PTPRD: variants seen among roughly 807,000 people sequenced by gnomAD.
The protein encoded by PTPRD is receptor-type tyrosine-protein phosphatase delta.
Under a neutral mutation model 214.5 loss-of-function variants are expected in PTPRD, and 34 were observed. The ratio of observed to expected loss-of-function variants is 0.16; its 90% CI spans 0.12 to 0.21. The LOEUF (loss-of-function observed/expected upper bound fraction) is 0.21. Among genes scored for constraint, PTPRD ranks in the 10% least tolerant of loss-of-function variants. The pLI, the probability that PTPRD is intolerant of heterozygous loss-of-function variation, is 1.00. For missense variants in PTPRD, 2,545 were observed against 2,398.7 expected (o/e 1.06, Z -1.27); for synonymous variants, 1,128 against 845.7 (o/e 1.33, Z -5.79).
chr9:8,338,801 G>T, intron 43 of PTPRD, 121 bp downstream of exon 43: 4 of 897,224 alleles, frequency 4.5e-6, no homozygotes, highest in South Asian at 3.0e-5. Flanking sequence ...TCTCCAGAAT[G>T]AATGATTTCT....
chr9:8,387,761 G>C (rs568902598), intron 37 of PTPRD, among the ~76,000 whole-genome samples: 1 of 152,168 alleles, frequency 6.6e-6, no homozygotes, highest in African/African-American at 2.4e-5. Flanking sequence ...ATGTAAACTG[G>C]AGGTCACAGT....
At chr9:9,999,196 G>A (rs1043615517) in intron 4 of PTPRD, among the ~76,000 whole-genome samples, 2 of 152,120 alleles carry the variant, frequency 1.3e-5, no homozygotes, top group East Asian at 1.9e-4. Flanking sequence ...GGAAAGGCCC[G>A]ACACTGTTCT....
intron 14 of PTPRD, among the ~76,000 whole-genome samples, chr9:8,570,170 T>A (rs984312008): frequency 6.6e-6 from 1 of 152,054 alleles, no homozygotes; most frequent in African/African-American, 2.4e-5. Context: ...TATATGTGAC[T>A]TCATTATATT....
rs368394000 is a variant in PTPRD, at chr9:8,331,574, A to AAACTTACTTACCATTCCTGAACTGT, written c.5534+7_5534+8insACAGTTCAGGAATGGTAAGTAAGTT. ...TTATCACTGCTTTATTCACAAATGG[A>AAACTTACTTACCATTCCTGAACTGT]AACTTACCTGCAATGGACTGAAATG... On this transcript the variant is annotated splice_region_variant and intron_variant, in intron 44 of 45. Coordinates refer to ENST00000381196, the MANE Select transcript of PTPRD (RefSeq NM_002839.4). 1.3e-5 allele frequency: 21 copies of AAACTTACTTACCATTCCTGAACTGT among 1,612,184 alleles called. No homozygotes were observed. In the East Asian group the frequency reaches 2.2e-4, roughly 17 times the overall value.
chr9:9,543,274 C>T (rs2078034309), intron 8 of PTPRD, among the ~76,000 whole-genome samples: 1 of 151,534 alleles, frequency 6.6e-6, no homozygotes, highest in East Asian at 1.9e-4. Context: ...GGATGCTATT[C>T]AGAAAATGTT....
At chr9:8,737,818 T>C (rs536411086) in intron 11 of PTPRD, among the ~76,000 whole-genome samples, 2 of 152,240 alleles carry the variant, frequency 1.3e-5, no homozygotes, top group East Asian at 3.9e-4. Flanking sequence ...GCCTGGCTAA[T>C]TTTTCTATTT....
chr9:10,086,620 T>G (rs1189059145), intron 3 of PTPRD, among the ~76,000 whole-genome samples: 1 of 151,814 alleles, frequency 6.6e-6, no homozygotes, highest in Non-Finnish European at 1.5e-5. Context: ...TTGTGAGGAT[T>G]AAGGTTAAGT....
chr9:9,275,937 C>T (rs1285617167), intron 9 of PTPRD, among the ~76,000 whole-genome samples: 5 of 150,984 alleles, frequency 3.3e-5, no homozygotes, highest in East Asian at 2.0e-4. Context: ...GTAAACCAAC[C>T]GTGCCTTATG....
At chr9:8,584,904 G>A (rs533450374) in intron 14 of PTPRD, among the ~76,000 whole-genome samples, 1 of 152,182 alleles carries the variant, frequency 6.6e-6, no homozygotes, top group Admixed American at 6.5e-5. Context: ...AGAAGAATGA[G>A]CAAAGGGCGG....
chr9:10,600,823 T>C (rs1365057147), intron 2 of PTPRD, among the ~76,000 whole-genome samples: 1 of 151,860 alleles, frequency 6.6e-6, no homozygotes, highest in African/African-American at 2.4e-5. Context: ...CAGAGTACTA[T>C]ATATGATACT....
chr9:9,737,513 G>A (rs1469816695), intron 6 of PTPRD, among the ~76,000 whole-genome samples: 1 of 152,032 alleles, frequency 6.6e-6, no homozygotes, highest in Non-Finnish European at 1.5e-5. Context: ...TGATTCTCTT[G>A]TATCTTCTTC....
rs1210208767 is a variant in PTPRD, at chr9:8,518,189, C to T, written c.1202G>A (p.Arg401Gln). The stretch of plus-strand genomic sequence containing the variant: ...TAGCACAGGTTCGCTGGGAGGCCCC[C>T]GCCCAATGTTATTGACAGCAACAAC... ...FRVVAVNNIG[R>Q]GPPSEPVLTQ... Residue 401 changes from arginine (R) to glutamine (Q), a missense_variant, in exon 21 of 46, where the codon CGG becomes CAG. Coordinates refer to ENST00000381196, the MANE Select transcript of PTPRD (RefSeq NM_002839.4). The T allele has an allele frequency of 3.7e-6, 6 of 1,614,122 alleles. No individual in the cohort carries two copies. Among genetic ancestry groups the T allele is most frequent in the Admixed American group, 1.7e-5 (1 of 60,020 alleles).
intron 3 of PTPRD, among the ~76,000 whole-genome samples, chr9:10,235,748 C>G (rs940822534): frequency 6.6e-6 from 1 of 151,950 alleles, no homozygotes; most frequent in African/African-American, 2.4e-5. Context: ...AACATCCCAG[C>G]AAGTGGACAC....
chr9:9,149,584 A>C (rs2099874546), intron 10 of PTPRD, among the ~76,000 whole-genome samples: 1 of 152,202 alleles, frequency 6.6e-6, no homozygotes, highest in Non-Finnish European at 1.5e-5. Context: ...ATGTTCATGA[A>C]AGACTGAAAT....
chr9:8,588,938 C>G (rs1040718507), intron 14 of PTPRD, among the ~76,000 whole-genome samples: 1 of 151,836 alleles, frequency 6.6e-6, no homozygotes, highest in Non-Finnish European at 1.5e-5. Flanking sequence ...CACCGAAGAG[C>G]CAAGGAATTT....
chr9:9,914,542 C>T (rs1031228525), intron 5 of PTPRD, among the ~76,000 whole-genome samples: 9 of 152,204 alleles, frequency 5.9e-5, no homozygotes, highest in African/African-American at 2.2e-4. Context: ...TACAGCCTTG[C>T]AGATTGCCCT....
At chr9:9,526,504 A>G (rs1458833046) in intron 8 of PTPRD, among the ~76,000 whole-genome samples, 1 of 152,206 alleles carries the variant, frequency 6.6e-6, no homozygotes, top group Non-Finnish European at 1.5e-5. Context: ...AAGATATTTA[A>G]AAATACAGAC....
intron 3 of PTPRD, among the ~76,000 whole-genome samples, chr9:10,299,284 C>A (rs1199847082): frequency 6.6e-6 from 1 of 152,006 alleles, no homozygotes; most frequent in East Asian, 1.9e-4. Context: ...GGACTATTGT[C>A]TATTTTTCTA....
At chr9:10,346,014 TATCA>T (rs2097073448) in intron 2 of PTPRD, among the ~76,000 whole-genome samples, 1 of 152,192 alleles carries the variant, frequency 6.6e-6, no homozygotes, top group African/African-American at 2.4e-5. Context: ...TAATAACCAA[TATCA>T]ATCATTTAAC....
Sources: gnomAD v4.1 joint callset for allele counts (sites outside exome capture counted in the v4.1 genomes callset) on GRCh38, gnomAD v4.1.1 for gene constraint, MANE v1.5 for transcripts, NCBI Gene and HGNC (gene_info 2026-07-23, HGNC 2026-07-21) for gene names.